The following CAMTA1 variants were observed in gnomAD, a reference collection of about 807,000 sequenced individuals.
CAMTA1 encodes the protein calmodulin-binding transcription activator 1.
Under a neutral mutation model 170.9 loss-of-function variants are expected in CAMTA1, and 27 were observed. That is an observed-to-expected ratio of 0.16 (90% CI 0.12 to 0.22). The LOEUF (loss-of-function observed/expected upper bound fraction) is 0.22. Ranked by LOEUF, CAMTA1 falls within the 10% of genes least tolerant of loss-of-function variation. The pLI, the probability that CAMTA1 is intolerant of heterozygous loss-of-function variation, is 1.00. For missense variants in CAMTA1, 1,619 were observed against 2,217.2 expected, an observed-to-expected ratio of 0.73 and a Z score of 5.42; for synonymous variants, 833 against 891.5, an observed-to-expected ratio of 0.93 and a Z score of 1.17.
intron 5 of CAMTA1, among the ~76,000 whole-genome samples, chr1:7,402,993 A>T (rs2090018902): frequency 6.6e-6 from 1 of 152,214 alleles, no homozygotes; most frequent in Non-Finnish European, 1.5e-5. Context: ...GAATAAATGA[A>T]CAAATGATTC....
chr1:7,137,480 G>T (rs145949030), intron 4 of CAMTA1, among the ~76,000 whole-genome samples: 1 of 152,278 alleles, frequency 6.6e-6, no homozygotes, highest in Non-Finnish European at 1.5e-5. Context: ...AGGTACCTGT[G>T]CTAACTGGTC....
At chr1:7,032,026 C>T (rs1016211515) in intron 3 of CAMTA1, among the ~76,000 whole-genome samples, 1 of 151,884 alleles carries the variant, frequency 6.6e-6, no homozygotes, top group African/African-American at 2.4e-5. Context: ...AGTGCAGTGG[C>T]ATGATCTTGG....
At chr1:7,122,184 C>A (rs191736418) in intron 4 of CAMTA1, among the ~76,000 whole-genome samples, 38 of 152,204 alleles carry the variant, frequency 2.5e-4, no homozygotes, top group African/African-American at 9.2e-4. Flanking sequence ...TCCTTCCACC[C>A]TTGCCCTGTT....
intron 6 of CAMTA1, among the ~76,000 whole-genome samples, chr1:7,573,038 A>AT (rs1339132451): frequency 6.6e-6 from 1 of 152,122 alleles, no homozygotes; most frequent in Non-Finnish European, 1.5e-5. Context: ...GCAATGTCTT[A>AT]TTTTAAGCCA....
intron 2 of CAMTA1, 44 bp downstream of exon 2, chr1:6,820,294 T>C (rs1380850827): frequency 6.2e-7 from 1 of 1,606,920 alleles, no homozygotes; most frequent in East Asian, 2.2e-5. Flanking sequence ...GGGGTGGGCT[T>C]GGCAGTGGCA....
chr1:7,160,189 C>G (rs375750918), intron 4 of CAMTA1, among the ~76,000 whole-genome samples: 75 of 152,250 alleles, frequency 4.9e-4, no homozygotes, highest in African/African-American at 1.6e-3. Flanking sequence ...GAAGAGGTTG[C>G]AGTGAGCTGA....
intron 3 of CAMTA1, among the ~76,000 whole-genome samples, chr1:7,080,083 T>C (rs1231206923): frequency 1.3e-5 from 2 of 152,222 alleles, no homozygotes; most frequent in South Asian, 2.1e-4. Flanking sequence ...TATATCTCCA[T>C]GATGCTGATT....
intron 7 of CAMTA1, among the ~76,000 whole-genome samples, chr1:7,648,151 C>T (rs932979320): frequency 2.3e-4 from 35 of 151,962 alleles, no homozygotes; most frequent in African/African-American, 3.4e-4. Context: ...CCCAGCACTT[C>T]GGGAGGCTGA....
chr1:7,424,431 T>G (rs929352696), intron 5 of CAMTA1, among the ~76,000 whole-genome samples: 2 of 142,664 alleles, frequency 1.4e-5, no homozygotes, highest in African/African-American at 5.1e-5. Context: ...CATTCCTGTT[T>G]TGGCCACGCT....
chr1:7,151,150 A>C (rs576358085), intron 4 of CAMTA1, among the ~76,000 whole-genome samples: 1 of 152,356 alleles, frequency 6.6e-6, no homozygotes, highest in Admixed American at 6.5e-5. Flanking sequence ...AAATGCTAAC[A>C]AGAAACATGG....
intron 5 of CAMTA1, among the ~76,000 whole-genome samples, chr1:7,373,968 A>ATG (rs1386462152): frequency 6.6e-6 from 1 of 152,222 alleles, no homozygotes; most frequent in Non-Finnish European, 1.5e-5. Context: ...AACAGGAGCG[A>ATG]CCGGCTGCTC....
At chr1:7,013,060 G>A (rs902001328) in intron 3 of CAMTA1, among the ~76,000 whole-genome samples, 2 of 151,980 alleles carry the variant, frequency 1.3e-5, no homozygotes, top group East Asian at 1.9e-4. Flanking sequence ...GTCTCCACAC[G>A]TCCAGACCTT....
chr1:7,722,116 C>T (rs888857198), intron 11 of CAMTA1, among the ~76,000 whole-genome samples: 1 of 152,116 alleles, frequency 6.6e-6, no homozygotes, highest in African/African-American at 2.4e-5. Flanking sequence ...CTGGCATAGA[C>T]ACTTTCTCAC....
intron 5 of CAMTA1, among the ~76,000 whole-genome samples, chr1:7,306,566 A>G (rs528323443): frequency 5.3e-5 from 8 of 152,054 alleles, no homozygotes; most frequent in Admixed American, 3.3e-4. Flanking sequence ...TGGTTAGTCA[A>G]ATTTCCCAAA....
chr1:7,483,364 C>A (rs527710269), intron 6 of CAMTA1, among the ~76,000 whole-genome samples: 1 of 152,122 alleles, frequency 6.6e-6, no homozygotes, highest in Non-Finnish European at 1.5e-5. Context: ...CCCGTGGCAG[C>A]GACAAGAAGC....
At chr1:6,818,733 G>T (rs535121291) in intron 1 of CAMTA1, among the ~76,000 whole-genome samples, 45 of 152,238 alleles carry the variant, frequency 3.0e-4, no homozygotes, top group African/African-American at 1.1e-3. Context: ...CAACTTCCCG[G>T]ATTCCAGCAA....
rs1557966999 is a variant in CAMTA1, at chr1:7,590,560, C to T, written c.511-49840C>T. On this transcript the variant is annotated intron_variant, in intron 6 of 22. Coordinates refer to ENST00000303635, the MANE Select transcript of CAMTA1 (RefSeq NM_015215.4). ...CTTGGAGGGTGGTTCATGAGGGCTACAGCTGGAGGTGCCCCCACCCACTAG... is the reference window on the plus strand; with the variant it reads ...CTTGGAGGGTGGTTCATGAGGGCTATAGCTGGAGGTGCCCCCACCCACTAG... 2.0e-5 allele frequency among the ~76,000 whole-genome samples: 3 copies of T among 152,252 alleles called. No homozygotes were observed. In the South Asian group the frequency reaches 6.2e-4, roughly 32 times the overall value.
At chr1:7,298,926 G>A (rs1399443817) in intron 5 of CAMTA1, among the ~76,000 whole-genome samples, 1 of 152,102 alleles carries the variant, frequency 6.6e-6, no homozygotes. Context: ...TTCCCTTGCC[G>A]ACCAGACCCA....
At chr1:7,469,365 C>A (rs747725109) in intron 6 of CAMTA1, among the ~76,000 whole-genome samples, 1 of 152,178 alleles carries the variant, frequency 6.6e-6, no homozygotes, top group South Asian at 2.1e-4. Flanking sequence ...TCTCCTCTAC[C>A]CGATGAAGGG....
Sources: allele counts gnomAD v4.1 joint callset (sites outside exome capture counted in the v4.1 genomes callset), GRCh38; gene constraint gnomAD v4.1.1; transcripts MANE v1.5; gene names NCBI Gene and HGNC (gene_info 2026-07-23, HGNC 2026-07-21).